The following CHRM5 variants were observed in gnomAD, a reference collection of about 807,000 sequenced individuals.
CHRM5 encodes the protein cholinergic receptor muscarinic 5, also known as muscarinic acetylcholine receptor M5.
CHRM5 carries 18 observed loss-of-function variants against 39.0 expected under a neutral mutation model. The ratio of observed to expected loss-of-function variants is 0.46; its 90% CI spans 0.32 to 0.68. The LOEUF is 0.68. Ranked by LOEUF, CHRM5 falls within the 30% of genes least tolerant of loss-of-function variation. The probability of loss-of-function intolerance (pLI) is 0.04; values close to 1 mark genes in which losing one functional copy is unlikely to be tolerated. For synonymous variants in CHRM5, 241 were observed against 246.3 expected (o/e 0.98, Z 0.20); for missense variants, 515 against 651.1 (o/e 0.79, Z 2.28).
At chr15:34,002,016 C>T (rs1385855024) in intron 1 of CHRM5, among the ~76,000 whole-genome samples, 1 of 152,188 alleles carries the variant, frequency 6.6e-6, no homozygotes, top group Non-Finnish European at 1.5e-5. Context: ...ATTGCAGATT[C>T]ACACACAGTT....
Position 34,065,138 on chromosome 15 carries a change from A to G in CHRM5, c.*822A>G, listed in dbSNP as rs376687437. 1 of 160,496 alleles carries G rather than the reference A, an allele frequency of 6.2e-6. No individual in the cohort carries two copies. Among genetic ancestry groups the G allele is most frequent in the African/African-American group, 2.4e-5 (1 of 41,438 alleles). 9.9% of individuals were successfully genotyped at this position (160,496 alleles called of 1,614,324 possible). On this transcript the variant is annotated 3_prime_UTR_variant, in exon 3 of 3. Coordinates refer to ENST00000383263, the MANE Select transcript of CHRM5 (RefSeq NM_012125.4). ...AGTGGAAATTTTTTCTTTTATCTAA[A>G]CAGATATTGTGCATTCTATTTTGTG...
chr15:34,014,367 T>TAATAA (rs1555516101), intron 1 of CHRM5, among the ~76,000 whole-genome samples: 4 of 13,576 alleles, frequency 2.9e-4, no homozygotes, highest in African/African-American at 6.8e-4. Context: ...TCCATCTCAT[T>TAATAA]AAAAAAAAAA....
rs191001189 is a variant in CHRM5 at position 34,031,514 on chromosome 15, T to C, written c.-407-15026T>C. Among the ~76,000 whole-genome samples, 643 of 152,322 alleles carry C rather than the reference T, an allele frequency of 4.2e-3. 3 individuals are homozygous for C. The highest frequency in any genetic ancestry group is 7.3e-3 in the Non-Finnish European group (498 of 68,024). Reference sequence around the variant, plus strand: ...TTAAAATGTTTGCTATCCCTCAATGTAAGTTTGACTTGGTACTAAAGAAAT... The same window carrying C: ...TTAAAATGTTTGCTATCCCTCAATGCAAGTTTGACTTGGTACTAAAGAAAT... On this transcript the variant is annotated intron_variant, in intron 1 of 2. Transcript: ENST00000383263.
At chr15:33,980,737 T>G (rs531270590) in intron 1 of CHRM5, among the ~76,000 whole-genome samples, 1 of 152,288 alleles carries the variant, frequency 6.6e-6, no homozygotes, top group East Asian at 1.9e-4. Flanking sequence ...CCCAAATTAC[T>G]TCTTGCTCTA....
intron 1 of CHRM5, among the ~76,000 whole-genome samples, chr15:34,032,016 C>T (rs78490518): frequency 0.02 from 2,122 of 107,158 alleles, 56 homozygotes; most frequent in South Asian, 0.061. Context: ...CACATACGCG[C>T]GCACACGCAC....
intron 2 of CHRM5, among the ~76,000 whole-genome samples, chr15:34,052,131 TC>T (rs1899944500): frequency 1.3e-5 from 2 of 152,018 alleles, no homozygotes; most frequent in Non-Finnish European, 2.9e-5. Context: ...CAGCAGCACA[TC>T]AAAAAGTTTA....
At position 34,034,621 on chromosome 15, in the gene CHRM5, T is replaced by A. The variant is rs906693872; in HGVS notation, c.-407-11919T>A. Among the ~76,000 whole-genome samples, 12 of 152,228 alleles carry A rather than the reference T, an allele frequency of 7.9e-5. No individual in the cohort carries two copies. The East Asian group carries it at 2.1e-3, about 27-fold the overall frequency. ...TGTACATGGTTTCCCAAAATTTTTT[T>A]AGGCAGAATACAAGCAAAAAAGTTC... is the stretch of plus-strand genomic sequence containing the variant. On this transcript the variant is annotated intron_variant, in intron 1 of 2. Transcript: ENST00000383263.
chr15:33,994,570 G>C (rs1442809897), intron 1 of CHRM5, among the ~76,000 whole-genome samples: 2 of 152,162 alleles, frequency 1.3e-5, no homozygotes, highest in Non-Finnish European at 2.9e-5. Flanking sequence ...AAAAAGGTTG[G>C]GGACCTCTGC....
intron 1 of CHRM5, among the ~76,000 whole-genome samples, chr15:34,043,596 C>T (rs1484903538): frequency 6.6e-6 from 1 of 152,124 alleles, no homozygotes; most frequent in African/African-American, 2.4e-5. Flanking sequence ...GAATCCACAG[C>T]CTGTACTCTG....
At chr15:34,046,470 T>C (rs1035049908) in intron 1 of CHRM5, 70 bp from the exon 2 acceptor site, 5 of 152,202 alleles carry the variant, frequency 3.3e-5, no homozygotes, top group African/African-American at 1.2e-4. Context: ...GATTCAAATG[T>C]TACTGCACAT....
At chr15:34,031,338 C>T (rs891689846) in intron 1 of CHRM5, among the ~76,000 whole-genome samples, 2 of 151,950 alleles carry the variant, frequency 1.3e-5, no homozygotes, top group South Asian at 2.1e-4. Context: ...CCATGCCTGG[C>T]TAATTTTTAT....
chr15:33,996,053 A>G (rs1268335889), intron 1 of CHRM5, among the ~76,000 whole-genome samples: 1 of 152,226 alleles, frequency 6.6e-6, no homozygotes, highest in Non-Finnish European at 1.5e-5. Context: ...GGTGGGTCCC[A>G]CACCCACACA....
intron 1 of CHRM5, among the ~76,000 whole-genome samples, chr15:33,989,232 T>C (rs1399941828): frequency 2.0e-5 from 3 of 152,302 alleles, no homozygotes; most frequent in East Asian, 1.9e-4. Context: ...AGTACCATGC[T>C]TGGATATTTT....
At chr15:33,977,696 C>T (rs1895945125) in intron 1 of CHRM5, among the ~76,000 whole-genome samples, 1 of 152,270 alleles carries the variant, frequency 6.6e-6, no homozygotes, top group Middle Eastern at 3.4e-3. Flanking sequence ...ATCAAACGTT[C>T]TCTATTACAC....
chr15:34,036,876 G>A (rs557886344), intron 1 of CHRM5, among the ~76,000 whole-genome samples: 1 of 152,154 alleles, frequency 6.6e-6, no homozygotes, highest in African/African-American at 2.4e-5. Context: ...TTGGGAGGCC[G>A]AGGCGGGTGG....
chr15:34,022,311 T>C (rs887113818), intron 1 of CHRM5, among the ~76,000 whole-genome samples: 1 of 152,184 alleles, frequency 6.6e-6, no homozygotes, highest in South Asian at 2.1e-4. Flanking sequence ...ATTTTCCCCA[T>C]GACAAGACAG....
chr15:34,053,299 CA>C (rs71454513), intron 2 of CHRM5, among the ~76,000 whole-genome samples: 617 of 51,332 alleles, frequency 0.012, 1 homozygote, highest in East Asian at 0.031. Flanking sequence ...GACTCCATCT[CA>C]AAAAAAAAAA....
chr15:33,970,915 G>C (rs1384229720), intron 1 of CHRM5, among the ~76,000 whole-genome samples: 1 of 151,870 alleles, frequency 6.6e-6, no homozygotes, highest in Non-Finnish European at 1.5e-5. Context: ...GTCCTTGTCA[G>C]CATCAATCCC....
chr15:34,051,259 T>G (rs574095288), intron 2 of CHRM5, among the ~76,000 whole-genome samples: 1 of 151,604 alleles, frequency 6.6e-6, no homozygotes, highest in South Asian at 2.1e-4. Context: ...GGGCAAATAA[T>G]GAAATTAAGA....
Sources: allele counts gnomAD v4.1 joint callset (sites outside exome capture counted in the v4.1 genomes callset), GRCh38; gene constraint gnomAD v4.1.1; transcripts MANE v1.5; gene names NCBI Gene and HGNC (gene_info 2026-07-23, HGNC 2026-07-21).